The following USH2A variants were observed in gnomAD, a reference collection of about 807,000 sequenced individuals.
The protein encoded by USH2A is Usher syndrome 2A (autosomal recessive, mild).
In USH2A, 443 loss-of-function variants were observed where a neutral mutation model predicts 538.9. The ratio of observed to expected loss-of-function variants is 0.82; its 90% CI spans 0.76 to 0.89. The LOEUF is 0.89. Ranked by LOEUF, USH2A falls within the 40% of genes least tolerant of loss-of-function variation. USH2A has a pLI of 0.00. For synonymous variants in USH2A, 2,413 were observed against 2,273.5 expected (o/e 1.06, Z -1.75); for missense variants, 6,633 against 6,324.8 (o/e 1.05, Z -1.65).
intron 47 of USH2A, among the ~76,000 whole-genome samples, chr1:215,832,569 T>C (rs1284382479): frequency 6.6e-6 from 1 of 151,818 alleles, no homozygotes; most frequent in African/African-American, 2.4e-5. Context: ...ATAATGAAAA[T>C]TGTCAGCAAA....
At chr1:216,294,497 T>G (rs1338806231) in intron 9 of USH2A, among the ~76,000 whole-genome samples, 1 of 151,954 alleles carries the variant, frequency 6.6e-6, no homozygotes, top group Non-Finnish European at 1.5e-5. Flanking sequence ...TAAAATAACA[T>G]TCAACCCTTC....
intron 15 of USH2A, among the ~76,000 whole-genome samples, chr1:216,216,692 G>A (rs1160052415): frequency 1.3e-5 from 2 of 152,090 alleles, no homozygotes; most frequent in Non-Finnish European, 2.9e-5. Context: ...TGAAATTGTA[G>A]AACTGCAGGT....
At chr1:216,095,303 A>G (rs1260296620) in intron 22 of USH2A, among the ~76,000 whole-genome samples, 4 of 152,084 alleles carry the variant, frequency 2.6e-5, no homozygotes, top group Non-Finnish European at 5.9e-5. Flanking sequence ...GATTTCTTCA[A>G]CTTAATCTTC....
intron 61 of USH2A, among the ~76,000 whole-genome samples, chr1:215,693,449 C>T (rs1429543750): frequency 6.6e-6 from 1 of 151,980 alleles, no homozygotes; most frequent in Non-Finnish European, 1.5e-5. Context: ...AATGTCTTAC[C>T]TAGAGTCATA....
At chr1:216,078,009 A>G in intron 27 of USH2A, 80 bp downstream of exon 27, 2 of 1,566,630 alleles carry the variant, frequency 1.3e-6, no homozygotes, top group Non-Finnish European at 1.8e-6. Flanking sequence ...GTCTATTGCT[A>G]TCTCTTGAAA....
At chr1:215,684,384 C>T (rs60291699) in intron 61 of USH2A, among the ~76,000 whole-genome samples, 1 of 152,114 alleles carries the variant, frequency 6.6e-6, no homozygotes, top group Non-Finnish European at 1.5e-5. Context: ...TGAAAATGAT[C>T]AAAAATTACC....
At chr1:216,337,405 AAGGAAAACGAC>A (rs1303964110) in intron 4 of USH2A, among the ~76,000 whole-genome samples, 3 of 151,414 alleles carry the variant, frequency 2.0e-5, no homozygotes, top group African/African-American at 7.3e-5. Context: ...CATTAAGAGA[AAGGAAAACGAC>A]AGGACCAATC....
Position 216,114,192 on chromosome 1 carries a change from T to C in USH2A, c.4628-16979A>G, listed in dbSNP as rs140061544. ...TTTCAGATTTGTTATTGCTGAATTA[T>C]GGAAAAAATATTTATTTTTATGTAT... On this transcript the variant is annotated intron_variant, in intron 21 of 71. Transcript: ENST00000307340. Among the ~76,000 whole-genome samples, 42 of 152,012 alleles carry C rather than the reference T, an allele frequency of 2.8e-4. No homozygotes were observed. In the East Asian group the frequency reaches 7.7e-3, roughly 28 times the overall value.
In USH2A at chr1:216,062,371, T is replaced by C. The variant is rs2031214481; in HGVS notation, c.6049+7730A>G. On this transcript the variant is annotated intron_variant, in intron 30 of 71. Coordinates refer to ENST00000307340, the MANE Select transcript of USH2A (RefSeq NM_206933.4). ...GAAAAAGGCAGATCATATCAAAGAC[T>C]GAACTAGAAGAATTAAAAATCATCT... Among the ~76,000 whole-genome samples the C allele has an allele frequency of 1.3e-5, 2 of 152,014 alleles. 1 individual carries two copies. The highest frequency in any genetic ancestry group is 1.3e-4 in the Admixed American group (2 of 15,238).
chr1:216,347,228 A>C (rs2102686090), intron 4 of USH2A, among the ~76,000 whole-genome samples: 1 of 152,258 alleles, frequency 6.6e-6, no homozygotes, highest in Middle Eastern at 3.4e-3. Flanking sequence ...TTTCTAAAAA[A>C]GAAATTTTAT....
intron 21 of USH2A, among the ~76,000 whole-genome samples, chr1:216,130,233 T>C (rs1005789321): frequency 6.6e-6 from 1 of 151,840 alleles, no homozygotes; most frequent in African/African-American, 2.4e-5. Context: ...TAGTGGTGAT[T>C]TGTGAAATTT....
Position 215,759,709 on chromosome 1 carries a change from C to T in USH2A, c.11182G>A (p.Gly3728Ser). Residue 3728 changes from glycine (G) to serine (S), a missense_variant, in exon 57 of 72, where the codon GGC becomes AGC. Transcript: ENST00000307340. ...TCAGTGAAATTCTGCTCCTCACTGC[C>T]ACCCAGGAAAAGCAAGTTTCCATTA... Reference protein sequence around the residue: ...SRNGNLLFLGGSEEQNFTDKN... With the variant: ...SRNGNLLFLGSSEEQNFTDKN... The T allele has an allele frequency of 1.9e-6, 3 of 1,614,036 alleles. No individual in the cohort carries two copies. The highest frequency in any genetic ancestry group is 1.1e-5 in the South Asian group (1 of 91,070).
In USH2A at chr1:215,888,649, T is replaced by G; in HGVS notation, c.8000A>C (p.Glu2667Ala). The change falls in exon 41 of 72, where the codon GAA (glutamate) becomes GCA (alanine). Residue 2667 changes from glutamate to alanine, a missense_variant. By Grantham distance (107) the Glu-to-Ala change is moderately radical. Transcript: ENST00000307340. ...FTIERRVKGK[E>A]EVTTLVTLPR... ...GAGAGTCACCAGGGTAGTAACTTCT[T>G]CCTTTCCTTTGACTCTTCTCTCAAT... is the stretch of plus-strand genomic sequence containing the variant. The G allele has an allele frequency of 6.2e-7, 1 of 1,614,184 alleles. No individual in the cohort carries two copies. The highest frequency in any genetic ancestry group is 8.5e-7 in the Non-Finnish European group (1 of 1,180,018).
intron 4 of USH2A, among the ~76,000 whole-genome samples, chr1:216,356,492 A>G (rs889101115): frequency 6.6e-6 from 1 of 152,132 alleles, no homozygotes; most frequent in Non-Finnish European, 1.5e-5. Context: ...TAACATTCTG[A>G]AGAACATTTT....
At chr1:216,128,797 A>G (rs985542061) in intron 21 of USH2A, among the ~76,000 whole-genome samples, 6 of 152,012 alleles carry the variant, frequency 3.9e-5, no homozygotes, top group Non-Finnish European at 7.4e-5. Flanking sequence ...ACAATAAATT[A>G]TTGTTAATTA....
chr1:216,168,116 C>A (rs1007802839), intron 21 of USH2A, among the ~76,000 whole-genome samples: 70 of 151,994 alleles, frequency 4.6e-4, no homozygotes, highest in African/African-American at 1.7e-3. Flanking sequence ...CTTACTAAAT[C>A]AAAAATCAAT....
intron 4 of USH2A, among the ~76,000 whole-genome samples, chr1:216,355,690 A>G (rs773699401): frequency 5.9e-5 from 9 of 152,154 alleles, no homozygotes; most frequent in Non-Finnish European, 1.0e-4. Flanking sequence ...TAGAAAGGAC[A>G]GATCTTTAAA....
At chr1:215,704,212 C>T (rs1284543831) in intron 61 of USH2A, among the ~76,000 whole-genome samples, 2 of 152,222 alleles carry the variant, frequency 1.3e-5, no homozygotes, top group African/African-American at 4.8e-5. Flanking sequence ...CACCCACCTT[C>T]TGTGTTGGTC....
At chr1:216,311,034 T>A (rs1170624251) in intron 9 of USH2A, among the ~76,000 whole-genome samples, 1 of 152,168 alleles carries the variant, frequency 6.6e-6, no homozygotes, top group African/African-American at 2.4e-5. Context: ...AAAGGGAATA[T>A]CCTGACAGTA....
Sources: gnomAD v4.1 joint callset for allele counts (sites outside exome capture counted in the v4.1 genomes callset) on GRCh38, gnomAD v4.1.1 for gene constraint, MANE v1.5 for transcripts, NCBI Gene and HGNC (gene_info 2026-07-23, HGNC 2026-07-21) for gene names.